CEP97: variants seen among roughly 807,000 people sequenced by gnomAD.
CEP97 encodes the protein centrosomal protein 97, also known as centrosomal protein of 97 kDa.
CEP97 carries 43 observed loss-of-function variants against 73.1 expected under a neutral mutation model. The ratio of observed to expected loss-of-function variants is 0.59; its 90% confidence interval spans 0.46 to 0.76. CEP97 has a LOEUF of 0.76. Ranked by LOEUF, CEP97 falls within the 30% of genes least tolerant of loss-of-function variation. CEP97 has a pLI of 0.00. For missense variants in CEP97, 939 were observed against 1,014.0 expected (o/e 0.93, Z 1.00); for synonymous variants, 337 against 370.0 (o/e 0.91, Z 1.02).
intron 6 of CEP97, among the ~76,000 whole-genome samples, chr3:101,748,820 T>G (rs1052867143): frequency 1.3e-5 from 2 of 152,102 alleles, no homozygotes; most frequent in Non-Finnish European, 2.9e-5. Flanking sequence ...TTTTGTATTT[T>G]TAGTAGAGAC....
Position 101,755,579 on chromosome 3 carries a change from T to A in CEP97, c.878T>A (p.Ile293Asn). The A allele has an allele frequency of 6.2e-7, 1 of 1,614,070 alleles. No individual in the cohort carries two copies. Reference sequence around the variant, plus strand: ...GCAGAGGATGCCAAACTAGAGAAGATTTTGAGCAAACAGAGGTAAGCCCAT... The same window carrying A: ...GCAGAGGATGCCAAACTAGAGAAGAATTTGAGCAAACAGAGGTAAGCCCAT... ...QTAEDAKLEK[I>N]LSKQRFHQRQ... Residue 293 changes from isoleucine (I) to asparagine (N), a missense_variant, in exon 7 of 11, where the codon ATT becomes AAT. Coordinates refer to ENST00000341893, the MANE Select transcript of CEP97 (RefSeq NM_024548.4).
intron 6 of CEP97, among the ~76,000 whole-genome samples, chr3:101,749,251 T>C (rs1938726578): frequency 6.6e-6 from 1 of 151,150 alleles, no homozygotes; most frequent in Non-Finnish European, 1.5e-5. Context: ...GGTGTTTGGA[T>C]TTTTGTCCTT....
At chr3:101,749,048 G>A (rs184991168) in intron 6 of CEP97, among the ~76,000 whole-genome samples, 40 of 152,118 alleles carry the variant, frequency 2.6e-4, no homozygotes, top group Admixed American at 2.6e-3. Context: ...CAACGTGCAG[G>A]TTAGTTACAT....
At chr3:101,729,703 G>T (rs1256984990) in intron 4 of CEP97, among the ~76,000 whole-genome samples, 1 of 151,888 alleles carries the variant, frequency 6.6e-6, no homozygotes, top group Non-Finnish European at 1.5e-5. Context: ...AAGTAGCTAG[G>T]ACCATAGGCA....
Position 101,765,385 on chromosome 3 carries a change from C to T in CEP97, c.2432C>T (p.Thr811Ile), listed in dbSNP as rs757923625. ...HIACFPVQLD[T>I]LSDGASVDES... The stretch of plus-strand genomic sequence containing the variant: ...GCTTGTTTCCCAGTACAGTTAGATA[C>T]ATTGTCTGACGGTGCTTCTGTAGAT... The change falls in exon 11 of 11, where the codon ACA (threonine) becomes ATA (isoleucine). Residue 811 changes from threonine (T) to isoleucine (I), a missense_variant. Transcript: ENST00000341893. The T allele has an allele frequency of 9.3e-6, 15 of 1,614,034 alleles. No individual in the cohort carries two copies. Among genetic ancestry groups the T allele is most frequent in the Non-Finnish European group, 1.3e-5 (15 of 1,180,026 alleles).
At chr3:101,735,608 T>G (rs1215403888) in intron 6 of CEP97, among the ~76,000 whole-genome samples, 1 of 152,092 alleles carries the variant, frequency 6.6e-6, no homozygotes, top group Non-Finnish European at 1.5e-5. Flanking sequence ...GGGAACTCCC[T>G]CCCCTAGCCT....
rs72935894 is a variant in CEP97, at chr3:101,763,323, A to G, written c.1893+763A>G. 612 of 652,246 alleles carry G rather than the reference A, an allele frequency of 9.4e-4. 3 individuals carry two copies. In the African/African-American group the frequency reaches 0.011, roughly 12 times the overall value. 40.4% of individuals were successfully genotyped at this position (652,246 alleles called of 1,614,324 possible). On this transcript the variant is annotated intron_variant, in intron 10 of 10. Coordinates refer to ENST00000341893, the MANE Select transcript of CEP97 (RefSeq NM_024548.4). ...AATTATAGAATAATAATACTGTGGAATACCATGGAATAGTTAAAAAAAATA... is the reference window on the plus strand; with the variant it reads ...AATTATAGAATAATAATACTGTGGAGTACCATGGAATAGTTAAAAAAAATA...
chr3:101,742,578 A>G (rs1938489495), intron 6 of CEP97, among the ~76,000 whole-genome samples: 1 of 151,998 alleles, frequency 6.6e-6, no homozygotes, highest in Non-Finnish European at 1.5e-5. Flanking sequence ...ATCACACACC[A>G]GGGCCTGTTG....
chr3:101,747,399 A>G (rs1938655183), intron 6 of CEP97, among the ~76,000 whole-genome samples: 1 of 150,374 alleles, frequency 6.7e-6, no homozygotes, highest in African/African-American at 2.5e-5. Context: ...AGCTGGGACT[A>G]TAGGCGCCTG....
rs1312556021 is a variant in CEP97 at position 101,768,532 on chromosome 3, G to A, written c.*2981G>A. 6.6e-6 allele frequency: 1 copy of A among 152,100 alleles called. No individual in the cohort carries two copies. The highest frequency in any genetic ancestry group is 2.4e-5 in the African/African-American group (1 of 41,414). 9.4% of individuals were successfully genotyped at this position (152,100 alleles called of 1,614,324 possible). On this transcript the variant is annotated 3_prime_UTR_variant, in exon 11 of 11. Coordinates refer to ENST00000341893, the MANE Select transcript of CEP97 (RefSeq NM_024548.4). Reference sequence around the variant, plus strand: ...AAATGGTTTCAAAAGAGCAATAGTGGAAATTAAAGTTTTAGAAAAGAGACC... The same window carrying A: ...AAATGGTTTCAAAAGAGCAATAGTGAAAATTAAAGTTTTAGAAAAGAGACC...
At chr3:101,752,291 T>A (rs1462874127) in intron 6 of CEP97, among the ~76,000 whole-genome samples, 1 of 152,206 alleles carries the variant, frequency 6.6e-6, no homozygotes, top group Non-Finnish European at 1.5e-5. Flanking sequence ...CTTCCCTTTG[T>A]GGGTAACCCG....
intron 6 of CEP97, among the ~76,000 whole-genome samples, chr3:101,744,876 T>C (rs1938566904): frequency 6.6e-6 from 1 of 152,214 alleles, no homozygotes; most frequent in Non-Finnish European, 1.5e-5. Context: ...CCCATCCTGG[T>C]TGTTATTTGC....
rs755715767 is a variant in CEP97 at position 101,724,706 on chromosome 3, G to A, written c.30G>A (p.Leu10=). Residue 10 remains leucine (L), a synonymous_variant, in exon 1 of 11, where the codon TTG becomes TTA. Coordinates refer to ENST00000341893, the MANE Select transcript of CEP97 (RefSeq NM_024548.4). MAVARVDAA[L]PPGEGSVVNW... is the part of the protein sequence containing the mutation. ...CGGTGGCGCGCGTGGACGCGGCTTT[G>A]CCTCCCGGAGAAGGTAAGGCGATCC... 1.9e-6 allele frequency: 3 copies of A among 1,614,124 alleles called. No individual in the cohort carries two copies. Among genetic ancestry groups the A allele is most frequent in the Non-Finnish European group, 2.5e-6 (3 of 1,180,054 alleles).
chr3:101,753,307 G>A (rs1170871317), intron 6 of CEP97, among the ~76,000 whole-genome samples: 1 of 152,160 alleles, frequency 6.6e-6, no homozygotes, highest in Admixed American at 6.5e-5. Flanking sequence ...TGCCCCTACT[G>A]GGGGGTGCCT....
At chr3:101,764,611 CAAA>C (rs35660615) in intron 10 of CEP97, among the ~76,000 whole-genome samples, 1 of 96,484 alleles carries the variant, frequency 1.0e-5, no homozygotes. Flanking sequence ...AACTCCATCT[CAAA>C]AAAAAAAAAA....
intron 6 of CEP97, among the ~76,000 whole-genome samples, chr3:101,738,925 A>ATTAGT (rs1938362453): frequency 6.6e-6 from 1 of 152,214 alleles, no homozygotes; most frequent in Non-Finnish European, 1.5e-5. Context: ...AACAAAATAG[A>ATTAGT]CTGCTAACCA....
chr3:101,733,162 C>CT (rs1377674716), intron 6 of CEP97, among the ~76,000 whole-genome samples: 3 of 152,164 alleles, frequency 2.0e-5, no homozygotes, highest in Non-Finnish European at 4.4e-5. Flanking sequence ...GAGATTGGAG[C>CT]TAGTAGTCTT....
intron 6 of CEP97, among the ~76,000 whole-genome samples, chr3:101,744,635 G>A (rs1000706055): frequency 1.4e-5 from 2 of 138,532 alleles, no homozygotes; most frequent in South Asian, 4.4e-4. Context: ...AACTTAGATG[G>A]TTGGTGCCGT....
intron 6 of CEP97, among the ~76,000 whole-genome samples, chr3:101,745,095 T>C (rs1441073224): frequency 1.3e-5 from 2 of 152,352 alleles, no homozygotes; most frequent in African/African-American, 4.8e-5. Context: ...ACCTCAGTGT[T>C]TGGAGTTCTT....
Sources: gnomAD v4.1 joint callset for allele counts (sites outside exome capture counted in the v4.1 genomes callset) on GRCh38, gnomAD v4.1.1 for gene constraint, MANE v1.5 for transcripts, NCBI Gene and HGNC (gene_info 2026-07-23, HGNC 2026-07-21) for gene names.